CCDC88A: variants seen among roughly 807,000 people sequenced by gnomAD.
CCDC88A encodes the protein girdin.
Under a neutral mutation model 234.3 loss-of-function variants are expected in CCDC88A, and 54 were observed. The observed-to-expected ratio is 0.23, with a 90% CI of 0.19 to 0.29. The LOEUF is 0.29. CCDC88A is among the 10% of genes least tolerant of loss of function. The pLI is 1.00. For missense variants in CCDC88A, 1,832 were observed against 2,123.4 expected (o/e 0.86, Z 2.70); for synonymous variants, 753 against 737.8 (o/e 1.02, Z -0.33).
chr2:55,398,670 T>C (rs1356548145), intron 2 of CCDC88A, among the ~76,000 whole-genome samples: 1 of 152,138 alleles, frequency 6.6e-6, no homozygotes, highest in Non-Finnish European at 1.5e-5. Context: ...CCCAGCACTT[T>C]GGAAGGCCAA....
At chr2:55,363,886 G>C in intron 6 of CCDC88A, 64 bp downstream of exon 6, 1 of 811,600 alleles carries the variant, frequency 1.2e-6, no homozygotes, top group Non-Finnish European at 2.0e-6. Flanking sequence ...TATTTTAGGA[G>C]ATAGACAAAT....
At chr2:55,298,000 C>G (rs2576697) in intron 29 of CCDC88A, among the ~76,000 whole-genome samples, 123,851 of 152,008 alleles carry the variant, frequency 0.81, 53,127 homozygotes, top group East Asian at 0.97. Flanking sequence ...TCTTATTGTT[C>G]TTGCTGTCCA....
In CCDC88A at chr2:55,390,053, A is replaced by AAAAAAAAAG. The variant is rs377022377; in HGVS notation, c.165-1168_165-1167insCTTTTTTTT. Among the ~76,000 whole-genome samples, 562 of 79,696 alleles carry AAAAAAAAAG rather than the reference A, an allele frequency of 7.1e-3. 66 individuals carry two copies. Among genetic ancestry groups the AAAAAAAAAG allele is most frequent in the Non-Finnish European group, 9.0e-3 (384 of 42,844 alleles). The allele number at this position is 79,696 out of a possible 152,430, so 52.3% of individuals were successfully genotyped here. ...GAGACTCAAAAAAAAAAAAAAATAA[A>AAAAAAAAAG]AAATAAAGATAGAACATTTCAAAGT... On this transcript the variant is annotated intron_variant, in intron 2 of 32. Transcript: ENST00000436346.
chr2:55,303,215 C>A (rs930401557), intron 25 of CCDC88A, 63 bp from the exon 26 acceptor site: 73 of 938,072 alleles, frequency 7.8e-5, no homozygotes, highest in Non-Finnish European at 1.2e-4. Context: ...GGGAGAAGAA[C>A]AGATGGGAGT....
chr2:55,373,519 T>G (rs886191671), intron 4 of CCDC88A, among the ~76,000 whole-genome samples: 10 of 152,250 alleles, frequency 6.6e-5, no homozygotes, highest in African/African-American at 2.4e-4. Context: ...GCCAGAACAT[T>G]TGGTACATAT....
chr2:55,296,032 G>A lies in CCDC88A; in HGVS notation c.5116C>T (p.Leu1706Phe), dbSNP rs1382805296. The change falls in exon 31 of 33, where the codon CTT becomes TTT. Residue 1706 changes from leucine to phenylalanine, a missense_variant. Around this residue, in one of 6 missense-constraint regions of CCDC88A, gnomAD observed 422 missense variants for 416.5 expected, o/e 1.01. Coordinates refer to ENST00000436346, the MANE Select transcript of CCDC88A (RefSeq NM_001365480.1). ...VQIKSSSQEN[L>F]LDEVMKSLSV... Reference sequence around the variant, plus strand: ...AAACTTTTCATTACTTCATCTAAAAGATTCTCTTGACTTGAGGACTTTATC... The same window carrying A: ...AAACTTTTCATTACTTCATCTAAAAAATTCTCTTGACTTGAGGACTTTATC... 1 of 1,605,344 alleles carries A rather than the reference G, an allele frequency of 6.2e-7. No individual in the cohort carries two copies. Among genetic ancestry groups the A allele is most frequent in the Non-Finnish European group, 8.5e-7 (1 of 1,177,754 alleles).
At chr2:55,412,474 C>T (rs552802202) in intron 2 of CCDC88A, among the ~76,000 whole-genome samples, 1 of 152,292 alleles carries the variant, frequency 6.6e-6, no homozygotes, top group South Asian at 2.1e-4. Flanking sequence ...AGCTCTGCCT[C>T]CTGTCAGATC....
chr2:55,357,679 A>G (rs1438783816), intron 7 of CCDC88A, among the ~76,000 whole-genome samples: 2 of 152,168 alleles, frequency 1.3e-5, no homozygotes, highest in Admixed American at 6.5e-5. Context: ...TTTATTTCTC[A>G]TCGCCAAGTC....
Position 55,346,265 on chromosome 2 carries a change from C to G in CCDC88A, c.951G>C (p.Glu317Asp), listed in dbSNP as rs200417192. 3.0e-5 allele frequency: 48 copies of G among 1,612,084 alleles called. No individual in the cohort carries two copies. The highest frequency in any genetic ancestry group is 4.5e-5 in the East Asian group (2 of 44,810). Residue 317 changes from glutamate (E) to aspartate (D), a missense_variant, in exon 10 of 33, where the codon GAG becomes GAC. Around this residue, in one of 6 missense-constraint regions of CCDC88A, gnomAD observed 1,282 missense variants for 1,543.6 expected, o/e 0.83. Coordinates refer to ENST00000436346, the MANE Select transcript of CCDC88A (RefSeq NM_001365480.1). Reference sequence around the variant, plus strand: ...CAAGCTTATCGACTCTGACTGCTTTCTCTCGAAGTGCATCTAATTCATCTC... The same window carrying G: ...CAAGCTTATCGACTCTGACTGCTTTGTCTCGAAGTGCATCTAATTCATCTC... ...MYRDELDALR[E>D]KAVRVDKLES...
chr2:55,346,070 T>G, intron 10 of CCDC88A, 105 bp downstream of exon 10: 1 of 728,266 alleles, frequency 1.4e-6, no homozygotes, highest in Non-Finnish European at 2.2e-6. Flanking sequence ...TATTTACTGT[T>G]TGTTCACCAT....
chr2:55,355,372 A>C, intron 8 of CCDC88A: 1 of 506,144 alleles, frequency 2.0e-6, no homozygotes, highest in East Asian at 3.6e-5. Flanking sequence ...CTAGAATGCT[A>C]GAAAGGCCAT....
rs780271872 is a variant in CCDC88A, at chr2:55,299,873, A to G, written c.4791T>C (p.Asn1597=). 1.9e-6 allele frequency: 3 copies of G among 1,613,618 alleles called. No individual in the cohort carries two copies. Among genetic ancestry groups the G allele is most frequent in the Non-Finnish European group, 2.5e-6 (3 of 1,179,674 alleles). The change falls in exon 29 of 33, where the codon AAT becomes AAC. Residue 1597 remains asparagine, a synonymous_variant. Transcript: ENST00000436346. ...CATGTAGTGAAGCATTATTATTGCT[A>G]TTGCTAGTGGATGTTCTGCCACTAT... The part of the protein sequence containing the change: ...SLDSGRTSTS[N]SNNNASLHEV...
At chr2:55,358,659 A>C (rs2864828) in intron 7 of CCDC88A, among the ~76,000 whole-genome samples, 77,572 of 151,852 alleles carry the variant, frequency 0.51, 21,716 homozygotes, top group East Asian at 0.85. Context: ...TAACTCCTTT[A>C]TTCTTATGCA....
chr2:55,382,951 CCTATG>C (rs1674829819), intron 3 of CCDC88A, among the ~76,000 whole-genome samples: 1 of 152,010 alleles, frequency 6.6e-6, no homozygotes, highest in Non-Finnish European at 1.5e-5. Flanking sequence ...CATGGTATGT[CCTATG>C]CACCACTGTA....
chr2:55,314,444 G>C (rs559526507), intron 22 of CCDC88A: 3 of 152,136 alleles, frequency 2.0e-5, no homozygotes, highest in African/African-American at 7.2e-5. Flanking sequence ...TCGCTCTTTC[G>C]CCCAGGCTAG....
chr2:55,408,947 T>C (rs1020920650), intron 2 of CCDC88A, among the ~76,000 whole-genome samples: 7 of 152,074 alleles, frequency 4.6e-5, no homozygotes, highest in Admixed American at 3.3e-4. Flanking sequence ...TAAGAATCTG[T>C]AGTATGTTTT....
chr2:55,419,009 C>G lies in CCDC88A; in HGVS notation c.63+8G>C. The G allele has an allele frequency of 6.2e-7, 1 of 1,611,270 alleles. No individual in the cohort carries two copies. Among genetic ancestry groups the G allele is most frequent in the African/African-American group, 1.3e-5 (1 of 74,960 alleles). ...AGCAAAATATACAATAAAGGACACC[C>G]CACTTACCCAAGTGACCAAAGGGCT... On this transcript the variant is annotated splice_region_variant and intron_variant, in intron 1 of 32. Transcript: ENST00000436346.
intron 7 of CCDC88A, 87 bp downstream of exon 7, chr2:55,362,221 T>C (rs1026653051): frequency 2.0e-5 from 20 of 1,024,454 alleles, no homozygotes; most frequent in African/African-American, 1.2e-4. Flanking sequence ...CTCTAAGAAA[T>C]AGTATCGTTT....
At chr2:55,394,443 A>G (rs563646013) in intron 2 of CCDC88A, 144 of 152,224 alleles carry the variant, frequency 9.5e-4, no homozygotes, top group African/African-American at 3.3e-3. Flanking sequence ...TTGGATATAT[A>G]CCCAGTAATG....
Sources: gnomAD v4.1 joint callset for allele counts (sites outside exome capture counted in the v4.1 genomes callset) on GRCh38, gnomAD v4.1.1 for gene constraint, gnomAD v4.1.1 regional missense constraint, MANE v1.5 for transcripts, NCBI Gene and HGNC (gene_info 2026-07-23, HGNC 2026-07-21) for gene names.